Variants in KLHL2 observed in about 807,000 individuals in gnomAD.
The protein encoded by KLHL2 is kelch-like protein 2.
In KLHL2, 15 loss-of-function variants were observed where a neutral mutation model predicts 75.8. That is an observed-to-expected ratio of 0.20 (90% CI 0.13 to 0.30). The LOEUF (loss-of-function observed/expected upper bound fraction) is 0.30. Ranked by LOEUF, KLHL2 falls within the 10% of genes least tolerant of loss-of-function variation. KLHL2 has a pLI of 1.00. For synonymous variants in KLHL2, 214 were observed against 251.9 expected (o/e 0.85, Z 1.42); for missense variants, 381 against 741.0 (o/e 0.51, Z 5.64).
intron 10 of KLHL2, among the ~76,000 whole-genome samples, 191 bp downstream of exon 10, chr4:165,310,941 G>A (rs1310502245): frequency 4.7e-5 from 7 of 147,690 alleles, no homozygotes; most frequent in African/African-American, 1.5e-4. Context: ...TGCAAGCTCC[G>A]CCTGCCGGGT....
chr4:165,212,183 A>T (rs1464712759), intron 1 of KLHL2, among the ~76,000 whole-genome samples: 2 of 152,178 alleles, frequency 1.3e-5, no homozygotes, highest in Non-Finnish European at 2.9e-5. Context: ...CTCAGAAAAC[A>T]AAGTTCCTTT....
intron 4 of KLHL2, among the ~76,000 whole-genome samples, chr4:165,253,518 T>C (rs1212400054): frequency 1.3e-5 from 2 of 152,272 alleles, no homozygotes; most frequent in African/African-American, 4.8e-5. Flanking sequence ...TTGAATCCCA[T>C]GGAGGGTTCA....
chr4:165,234,774 T>C (rs1018938689), intron 3 of KLHL2, among the ~76,000 whole-genome samples: 1 of 150,984 alleles, frequency 6.6e-6, no homozygotes, highest in Non-Finnish European at 1.5e-5. Context: ...GAGATGGAAA[T>C]GTTTTTAGCC....
intron 2 of KLHL2, among the ~76,000 whole-genome samples, chr4:165,223,285 G>A (rs1738157253): frequency 6.6e-6 from 1 of 152,246 alleles, no homozygotes; most frequent in African/African-American, 2.4e-5. Flanking sequence ...CATGCCCTCT[G>A]AGTGTCTAGA....
At chr4:165,217,506 T>A (rs1231651385) in intron 1 of KLHL2, among the ~76,000 whole-genome samples, 5 of 152,174 alleles carry the variant, frequency 3.3e-5, no homozygotes, top group African/African-American at 9.7e-5. Flanking sequence ...GGCACCTCCT[T>A]ATTCTCCCAC....
At chr4:165,247,653 A>G (rs28446212) in intron 4 of KLHL2, among the ~76,000 whole-genome samples, 11,884 of 152,212 alleles carry the variant, frequency 0.078, 1,002 homozygotes, top group African/African-American at 0.21. Context: ...TGTTGTTGTC[A>G]GATACAAGTT....
At chr4:165,234,924 A>T (rs1417302473) in intron 3 of KLHL2, among the ~76,000 whole-genome samples, 1 of 152,140 alleles carries the variant, frequency 6.6e-6, no homozygotes, top group East Asian at 1.9e-4. Context: ...ATTTGAGGCC[A>T]TGAGTTCAAG....
At chr4:165,240,611 G>T (rs1023638186) in intron 4 of KLHL2, 1 of 149,410 alleles carries the variant, frequency 6.7e-6, no homozygotes, top group Admixed American at 6.7e-5. Context: ...ATGTCATCTC[G>T]TTCTGGTCTT....
intron 2 of KLHL2, among the ~76,000 whole-genome samples, chr4:165,226,866 C>A (rs1578990867): frequency 6.6e-6 from 1 of 152,110 alleles, no homozygotes; most frequent in East Asian, 1.9e-4. Context: ...CGAATCCTGG[C>A]ACTGCCTCTA....
intron 5 of KLHL2, among the ~76,000 whole-genome samples, chr4:165,282,596 A>C (rs1743780377): frequency 6.6e-6 from 1 of 152,132 alleles, no homozygotes; most frequent in Non-Finnish European, 1.5e-5. Flanking sequence ...GTGATGATGA[A>C]GACCCCAAAT....
intron 3 of KLHL2, among the ~76,000 whole-genome samples, chr4:165,234,894 G>C (rs1739207429): frequency 6.6e-6 from 1 of 152,114 alleles, no homozygotes; most frequent in South Asian, 2.1e-4. Context: ...AGTACTTTGG[G>C]AGGCCAAGGC....
chr4:165,210,022 GC>G (rs1737096736), intron 1 of KLHL2: 10 of 1,527,704 alleles, frequency 6.5e-6, no homozygotes, highest in Non-Finnish European at 8.8e-6. Context: ...GGGCCTCACT[GC>G]CAGAGCTGGG....
intron 1 of KLHL2, among the ~76,000 whole-genome samples, chr4:165,214,974 A>G (rs1238492301): frequency 6.6e-6 from 1 of 152,098 alleles, no homozygotes; most frequent in East Asian, 1.9e-4. Flanking sequence ...CCTCATATTC[A>G]GTTCTACATA....
intron 5 of KLHL2, chr4:165,278,688 C>T (rs761003772): frequency 4.4e-6 from 7 of 1,603,222 alleles, no homozygotes; most frequent in Non-Finnish European, 6.0e-6. Context: ...GCTACAGAAC[C>T]TTCCAAAGCG....
At chr4:165,236,291 TAAAC>T (rs1303367499) in intron 3 of KLHL2, among the ~76,000 whole-genome samples, 1 of 152,204 alleles carries the variant, frequency 6.6e-6, no homozygotes, top group African/African-American at 2.4e-5. Flanking sequence ...GATCAAAACA[TAAAC>T]AATAAACTAT....
chr4:165,279,816 T>C, intron 5 of KLHL2: 1 of 684,200 alleles, frequency 1.5e-6, no homozygotes, highest in Admixed American at 2.2e-5. Flanking sequence ...TGCAGCTCAT[T>C]TTCTGTCTTG....
At chr4:165,318,211 AAATTTAATGT>A (rs147423608) in intron 14 of KLHL2, among the ~76,000 whole-genome samples, 9,891 of 152,228 alleles carry the variant, frequency 0.065, 470 homozygotes, top group Middle Eastern at 0.12. Flanking sequence ...TCATATAATA[AAATTTAATGT>A]AGCTAAAATC....
At chr4:165,238,658 G>A (rs1250789003) in intron 3 of KLHL2, 120 bp from the exon 4 acceptor site, 1 of 1,532,076 alleles carries the variant, frequency 6.5e-7, no homozygotes, top group Non-Finnish European at 8.8e-7. Context: ...GCAAAAAGTG[G>A]CTGATTATGC....
intron 4 of KLHL2, among the ~76,000 whole-genome samples, chr4:165,259,460 A>G (rs1175186815): frequency 6.6e-6 from 1 of 152,220 alleles, no homozygotes. Flanking sequence ...TATGTCATCT[A>G]AAATCATTAT....
Sources: gnomAD v4.1 joint callset for allele counts (sites outside exome capture counted in the v4.1 genomes callset) on GRCh38, gnomAD v4.1.1 for gene constraint, MANE v1.5 for transcripts, NCBI Gene and HGNC (gene_info 2026-07-23, HGNC 2026-07-21) for gene names.